Variants in KIAA1328 observed in about 807,000 individuals in gnomAD.
KIAA1328 encodes KIAA1328.
A neutral mutation model predicts 68.1 loss-of-function variants in KIAA1328; 52 were observed. That is an observed-to-expected ratio of 0.76 (90% CI 0.61 to 0.96). The LOEUF (loss-of-function observed/expected upper bound fraction) is 0.96. Among genes scored for constraint, KIAA1328 ranks in the 40% least tolerant of loss-of-function variants. KIAA1328 has a pLI of 0.00. For missense variants in KIAA1328, 641 were observed against 677.6 expected (o/e 0.95, Z 0.60); for synonymous variants, 232 against 239.4 (o/e 0.97, Z 0.28).
intron 6 of KIAA1328, among the ~76,000 whole-genome samples, chr18:37,003,358 C>T (rs914253575): frequency 1.3e-5 from 2 of 152,028 alleles, no homozygotes; most frequent in Non-Finnish European, 2.9e-5. Flanking sequence ...AAACTAAAAA[C>T]CTGCACGGCA....
chr18:37,221,439 A>T (rs572571091), intron 9 of KIAA1328, among the ~76,000 whole-genome samples: 90 of 152,294 alleles, frequency 5.9e-4, no homozygotes, highest in African/African-American at 2.1e-3. Flanking sequence ...TAGAACAGAG[A>T]TTTGAACCAA....
intron 6 of KIAA1328, among the ~76,000 whole-genome samples, chr18:37,045,800 T>G (rs1279366788): frequency 6.6e-6 from 1 of 152,222 alleles, no homozygotes; most frequent in East Asian, 1.9e-4. Flanking sequence ...AGTATTTTCT[T>G]ACATTCCAAA....
chr18:37,063,001 CA>C (rs892852658), intron 6 of KIAA1328, among the ~76,000 whole-genome samples: 1 of 151,038 alleles, frequency 6.6e-6, no homozygotes. Context: ...AGGTTCTTAA[CA>C]ATGCTGCAAT....
At chr18:37,065,283 A>G (rs560691877) in intron 6 of KIAA1328, among the ~76,000 whole-genome samples, 5 of 152,324 alleles carry the variant, frequency 3.3e-5, no homozygotes, top group Admixed American at 1.3e-4. Flanking sequence ...GCCTGAGGGA[A>G]GAGGAAGTGT....
chr18:36,901,823 G>T (rs1454295161), intron 5 of KIAA1328: 1 of 151,986 alleles, frequency 6.6e-6, no homozygotes, highest in African/African-American at 2.4e-5. Context: ...GGATTATTTG[G>T]ATAGAAGTGT....
intron 9 of KIAA1328, among the ~76,000 whole-genome samples, chr18:37,198,948 G>A (rs1029495577): frequency 6.6e-6 from 1 of 152,124 alleles, no homozygotes; most frequent in African/African-American, 2.4e-5. Flanking sequence ...GATTTTGTTT[G>A]CTTGTTTTGT....
chr18:37,063,337 G>A (rs2056225793), intron 6 of KIAA1328, among the ~76,000 whole-genome samples: 1 of 152,128 alleles, frequency 6.6e-6, no homozygotes, highest in African/African-American at 2.4e-5. Context: ...TGTGGGGTGG[G>A]GGATGAGGGA....
intron 9 of KIAA1328, among the ~76,000 whole-genome samples, chr18:37,217,467 C>A (rs536453118): frequency 2.2e-4 from 33 of 152,230 alleles, no homozygotes; most frequent in South Asian, 6.2e-4. Context: ...GTTGAAAATT[C>A]TTTTCTTTAA....
chr18:37,195,627 G>A lies in KIAA1328; in HGVS notation c.1523+22546G>A, dbSNP rs1214698158. Among the ~76,000 whole-genome samples, 13 of 152,122 alleles carry A rather than the reference G, an allele frequency of 8.5e-5. 1 individual carries two copies. Among genetic ancestry groups the A allele is most frequent in the Admixed American group, 8.5e-4 (13 of 15,282 alleles). On this transcript the variant is annotated intron_variant, in intron 9 of 9. Coordinates refer to ENST00000280020, the MANE Select transcript of KIAA1328 (RefSeq NM_020776.3). ...GCTGTAAGTGTGTGGATTTATTTCT[G>A]GTTTGCTATTCTGTTCCATTAGTCT...
At chr18:37,129,657 A>G (rs944852268) in intron 7 of KIAA1328, among the ~76,000 whole-genome samples, 9 of 152,212 alleles carry the variant, frequency 5.9e-5, no homozygotes, top group East Asian at 3.9e-4. Context: ...TTTTCTTTTC[A>G]GAGTTAGCCA....
At chr18:37,191,289 A>G (rs2059900448) in intron 9 of KIAA1328, among the ~76,000 whole-genome samples, 1 of 152,218 alleles carries the variant, frequency 6.6e-6, no homozygotes, top group Admixed American at 6.5e-5. Context: ...AGACTTCATT[A>G]CATACGTTAC....
At chr18:37,194,314 G>C (rs1299348688) in intron 9 of KIAA1328, among the ~76,000 whole-genome samples, 1 of 152,164 alleles carries the variant, frequency 6.6e-6, no homozygotes, top group Non-Finnish European at 1.5e-5. Flanking sequence ...AGTGAAAATA[G>C]TATCTTGTAG....
At chr18:37,032,186 A>G (rs1292999374) in intron 6 of KIAA1328, among the ~76,000 whole-genome samples, 1 of 152,164 alleles carries the variant, frequency 6.6e-6, no homozygotes, top group African/African-American at 2.4e-5. Context: ...TCTCAAAAAC[A>G]AAAAGTCTAC....
At chr18:37,183,984 A>G (rs1380903588) in intron 9 of KIAA1328, among the ~76,000 whole-genome samples, 2 of 152,196 alleles carry the variant, frequency 1.3e-5, no homozygotes, top group Non-Finnish European at 2.9e-5. Context: ...CGTTATGAGC[A>G]TGAGTACTTT....
At chr18:36,986,142 A>G (rs947912188) in intron 6 of KIAA1328, among the ~76,000 whole-genome samples, 6 of 152,020 alleles carry the variant, frequency 3.9e-5, no homozygotes, top group African/African-American at 1.4e-4. Context: ...ATATAGTTAC[A>G]CACTGGTATT....
intron 6 of KIAA1328, among the ~76,000 whole-genome samples, chr18:37,011,392 A>G (rs1189682206): frequency 1.3e-5 from 2 of 152,008 alleles, no homozygotes; most frequent in Non-Finnish European, 2.9e-5. Context: ...CTATTCTCGC[A>G]CTCCAGATCC....
At position 36,944,242 on chromosome 18, in the gene KIAA1328, G is replaced by A. The variant is rs117706489; in HGVS notation, c.449-15066G>A. On this transcript the variant is annotated intron_variant, in intron 5 of 9. Coordinates refer to ENST00000280020, the MANE Select transcript of KIAA1328 (RefSeq NM_020776.3). ...GAATAGCTAAGAAGTAGAAATTTGG[G>A]GATCTCCAGCCTCTGTATTGAATTT... Among the ~76,000 whole-genome samples the A allele has an allele frequency of 7.3e-3, 1,105 of 152,206 alleles. 20 individuals are homozygous for A. In the East Asian group the frequency reaches 0.074, roughly 10 times the overall value.
At chr18:37,013,745 T>C (rs1183194078) in intron 6 of KIAA1328, among the ~76,000 whole-genome samples, 1 of 152,220 alleles carries the variant, frequency 6.6e-6, no homozygotes, top group Admixed American at 6.5e-5. Context: ...TAATTCACTA[T>C]TGATAGGCAT....
chr18:36,968,549 C>A (rs925271207), intron 6 of KIAA1328, among the ~76,000 whole-genome samples: 1 of 152,190 alleles, frequency 6.6e-6, no homozygotes, highest in South Asian at 2.1e-4. Flanking sequence ...AAGGCCATTA[C>A]ATAATGGCAA....
Sources: gnomAD v4.1 joint callset for allele counts (sites outside exome capture counted in the v4.1 genomes callset) on GRCh38, gnomAD v4.1.1 for gene constraint, MANE v1.5 for transcripts, NCBI Gene and HGNC (gene_info 2026-07-23, HGNC 2026-07-21) for gene names.